ZNF764: variants seen among roughly 807,000 people sequenced by gnomAD.
ZNF764 encodes zinc finger protein 764.
In ZNF764, 10 loss-of-function variants were observed where a neutral mutation model predicts 13.9. The observed-to-expected ratio is 0.72, with a 90% confidence interval of 0.44 to 1.22. ZNF764 has a LOEUF of 1.22. Ranked by LOEUF, ZNF764 falls within the 50% of genes most tolerant of loss-of-function variation. The pLI is 0.00. For missense variants in ZNF764, 647 were observed against 589.7 expected, an observed-to-expected ratio of 1.10 and a Z score of -1.01; for synonymous variants, 313 against 255.1, an observed-to-expected ratio of 1.23 and a Z score of -2.16.
In ZNF764 at chr16:30,558,087, G is replaced by A. The variant is rs2051573743; in HGVS notation, c.96C>T (p.Ala32=). 1.2e-6 allele frequency: 2 copies of A among 1,611,274 alleles called. No homozygotes were observed. The highest frequency in any genetic ancestry group is 1.7e-6 in the Non-Finnish European group (2 of 1,179,316). ...CCCACTCCTCCCGGCAGAAGTACAC[G>A]GCCACGTCCGCGAAGCTCACAGCCC... ...EPGAVSFADV[A]VYFCREEWGC... is the part of the protein sequence containing the mutation. The change falls in exon 1 of 3, where the codon GCC becomes GCT. Residue 32 remains alanine, a synonymous_variant. Transcript: ENST00000395091.
rs2051529552 is a variant in ZNF764 at position 30,554,296 on chromosome 16, C to G, written c.*898G>C. 6.6e-6 allele frequency: 1 copy of G among 152,214 alleles called. No homozygotes were observed. The highest frequency in any genetic ancestry group is 2.4e-5 in the African/African-American group (1 of 41,452). 9.4% of individuals were successfully genotyped at this position (152,214 alleles called of 1,614,324 possible). ...CCGCAGGCCAGATCCAGTACACAGT[C>G]ACAGGATTTTAACTTGGGCAGTAAA... On this transcript the variant is annotated 3_prime_UTR_variant, in exon 3 of 3. Transcript: ENST00000395091.
chr16:30,557,591 C>T, intron 2 of ZNF764, 142 bp downstream of exon 2: 1 of 1,272,226 alleles, frequency 7.9e-7, no homozygotes, highest in Non-Finnish European at 1.1e-6. Context: ...CTGGGAGCCA[C>T]GCAGGGGCTC....
intron 2 of ZNF764, 110 bp from the exon 3 acceptor site, chr16:30,556,217 A>G (rs553064867): frequency 7.8e-7 from 1 of 1,286,290 alleles, no homozygotes; most frequent in South Asian, 1.3e-5. Context: ...TGCTCCTGGG[A>G]GATGGAGGAG....
chr16:30,555,145 A>G lies in ZNF764; in HGVS notation c.*49T>C. 1 of 1,545,016 alleles carries G rather than the reference A, an allele frequency of 6.5e-7. No homozygotes were observed. Among genetic ancestry groups the G allele is most frequent in the South Asian group, 1.3e-5 (1 of 79,914 alleles). On this transcript the variant is annotated 3_prime_UTR_variant, in exon 3 of 3. Transcript: ENST00000395091. ...GCCGCCGCAGAGGTTCGGGCCCCTG[A>G]GCCCATCTCGGGCCTCCCGTAATGT...
chr16:30,557,667 G>A (rs2051567958), intron 2 of ZNF764, 66 bp downstream of exon 2: 2 of 1,585,148 alleles, frequency 1.3e-6, no homozygotes, highest in Admixed American at 1.7e-5. Flanking sequence ...GCTGGAGGTG[G>A]CAGAGGGTAC....
chr16:30,557,262 C>T (rs1212470800), intron 2 of ZNF764, among the ~76,000 whole-genome samples: 3 of 151,742 alleles, frequency 2.0e-5, no homozygotes, highest in Non-Finnish European at 4.4e-5. Context: ...ACTGAGATGG[C>T]ACCACTGCAC....
Position 30,555,996 on chromosome 16 carries a change from G to A in ZNF764, c.422C>T (p.Ala141Val). 6.2e-7 allele frequency: 1 copy of A among 1,612,470 alleles called. No homozygotes were observed. The highest frequency in any genetic ancestry group is 8.5e-7 in the Non-Finnish European group (1 of 1,179,990). Residue 141 changes from alanine to valine, a missense_variant, in exon 3 of 3, where the codon GCC becomes GTC. Coordinates refer to ENST00000395091, the MANE Select transcript of ZNF764 (RefSeq NM_001172679.2). ...PGLKSPQAPS[A>V]GPPYGWEQLS... ...CTGCTCCCAACCATAAGGGGGCCCG[G>A]CCGAGGGGGCTTGGGGAGACTTCAG...
Position 30,554,977 on chromosome 16 carries a change from G to A in ZNF764, c.*217C>T, listed in dbSNP as rs2051535290. On this transcript the variant is annotated 3_prime_UTR_variant, in exon 3 of 3. Coordinates refer to ENST00000395091, the MANE Select transcript of ZNF764 (RefSeq NM_001172679.2). ...TGTAGGTCTGGGGGTTCTCAACTCA[G>A]CCCTGCCTCAGTAGAGGGGGCCTTG... 1.2e-5 allele frequency: 7 copies of A among 561,730 alleles called. No individual in the cohort carries two copies. In the Admixed American group the frequency reaches 2.6e-4, roughly 21 times the overall value. The allele number at this position is 561,730 out of a possible 1,614,324, so 34.8% of individuals were successfully genotyped here. A position where few individuals can be genotyped will look rare whatever the true frequency, so the allele number is the denominator to read the frequency against.
In ZNF764 at chr16:30,556,179, A is replaced by G. The variant is rs1436252796; in HGVS notation, c.311-72T>C. 3.2e-6 allele frequency: 5 copies of G among 1,556,592 alleles called. No homozygotes were observed. The African/African-American group carries it at 6.8e-5, about 21-fold the overall frequency. On this transcript the variant is annotated intron_variant, in intron 2 of 2. Transcript: ENST00000395091. ...TCCTTGAATCCCACAGCCCGCGTGG[A>G]CAGGGACAGGCCTGCTGGATCCCCG...
rs1390067134 is a variant in ZNF764, at chr16:30,553,990, A to C, written c.*1204T>G. The C allele has an allele frequency of 3.3e-5, 5 of 152,158 alleles. No individual in the cohort carries two copies. The highest frequency in any genetic ancestry group is 1.5e-5 in the Non-Finnish European group (1 of 68,046). 9.4% of individuals were successfully genotyped at this position (152,158 alleles called of 1,614,324 possible). On this transcript the variant is annotated 3_prime_UTR_variant, in exon 3 of 3. Transcript: ENST00000395091. Reference sequence around the variant, plus strand: ...GTACTTTAAGATAAACACCAAAAACACTAAAAGCAAGCCATGATGAATGGC... The same window carrying C: ...GTACTTTAAGATAAACACCAAAAACCCTAAAAGCAAGCCATGATGAATGGC...
chr16:30,558,185 TA>T lies in ZNF764; in HGVS notation c.-4del, dbSNP rs1283856143. 2 of 1,582,180 alleles carry T rather than the reference TA, an allele frequency of 1.3e-6. No individual in the cohort carries two copies. Among genetic ancestry groups the T allele is most frequent in the African/African-American group, 2.7e-5 (2 of 74,334 alleles). On this transcript the variant is annotated 5_prime_UTR_variant, in exon 1 of 3. Coordinates refer to ENST00000395091, the MANE Select transcript of ZNF764 (RefSeq NM_001172679.2). ...AGCGGGGCCAGAGGCGGCGCCATGG[TA>T]ACTGTCAACCCCGACGACGGATCGG... is the stretch of plus-strand genomic sequence containing the variant.
intron 2 of ZNF764, among the ~76,000 whole-genome samples, chr16:30,557,005 T>G (rs2051562234): frequency 6.6e-6 from 1 of 152,122 alleles, no homozygotes; most frequent in Non-Finnish European, 1.5e-5. Context: ...CCGGGCGTGG[T>G]GGCGGGCGCC....
Position 30,555,023 on chromosome 16 carries a change from A to T in ZNF764, c.*171T>A. ...CCTTGGAGAGCCCTGGGCAGTGGGGAGCAAGGTGCTGGCAGAGGAGGCTGC... is the reference window on the plus strand; with the variant it reads ...CCTTGGAGAGCCCTGGGCAGTGGGGTGCAAGGTGCTGGCAGAGGAGGCTGC... On this transcript the variant is annotated 3_prime_UTR_variant, in exon 3 of 3. Coordinates refer to ENST00000395091, the MANE Select transcript of ZNF764 (RefSeq NM_001172679.2). 2 of 758,108 alleles carry T rather than the reference A, an allele frequency of 2.6e-6. No homozygotes were observed. Among genetic ancestry groups the T allele is most frequent in the Non-Finnish European group, 2.0e-6 (1 of 489,812 alleles). The allele number at this position is 758,108 out of a possible 1,614,324, so 47.0% of individuals were successfully genotyped here. A position where few individuals can be genotyped will look rare whatever the true frequency, so the allele number is the denominator to read the frequency against.
rs774057497 is a variant in ZNF764 at position 30,558,098 on chromosome 16, C to T, written c.85G>A (p.Ala29Thr). 3 of 1,610,726 alleles carry T rather than the reference C, an allele frequency of 1.9e-6. No individual in the cohort carries two copies. Among genetic ancestry groups the T allele is most frequent in the African/African-American group, 2.7e-5 (2 of 74,896 alleles). Residue 29 changes from alanine (A) to threonine (T), a missense_variant, in exon 1 of 3, where the codon GCG (alanine) becomes ACG (threonine). Ala to Thr is a moderately conservative substitution (Grantham distance 58). Coordinates refer to ENST00000395091, the MANE Select transcript of ZNF764 (RefSeq NM_001172679.2). Reference sequence around the variant, plus strand: ...CGGCAGAAGTACACGGCCACGTCCGCGAAGCTCACAGCCCCCGGCTCCCTC... The same window carrying T: ...CGGCAGAAGTACACGGCCACGTCCGTGAAGCTCACAGCCCCCGGCTCCCTC... ...EWREPGAVSF[A>T]DVAVYFCREE...
In ZNF764 at chr16:30,556,049, G is replaced by C. The variant is rs769009164; in HGVS notation, c.369C>G (p.Pro123=). The C allele has an allele frequency of 1.9e-5, 30 of 1,612,630 alleles. No individual in the cohort carries two copies. Among genetic ancestry groups the C allele is most frequent in the Non-Finnish European group, 2.3e-5 (27 of 1,180,026 alleles). ...QREGTGALEK[P]DPVAAGSPGL... is the part of the protein sequence containing the mutation. The stretch of plus-strand genomic sequence containing the variant: ...CAGGAGACCCGGCGGCCACAGGGTC[G>C]GGCTTCTCCAGGGCTCCCGTCCCTT... Residue 123 remains proline (P), a synonymous_variant, in exon 3 of 3, where the codon CCC becomes CCG. Coordinates refer to ENST00000395091, the MANE Select transcript of ZNF764 (RefSeq NM_001172679.2).
intron 2 of ZNF764, among the ~76,000 whole-genome samples, chr16:30,557,011 G>T (rs1462453883): frequency 6.6e-6 from 1 of 152,094 alleles, no homozygotes; most frequent in Non-Finnish European, 1.5e-5. Flanking sequence ...GTGGTGGCGG[G>T]CGCCTGTAGT....
chr16:30,558,013 T>C lies in ZNF764; in HGVS notation c.170A>G (p.Glu57Gly), dbSNP rs574911705. ...QRALYRDVMRETYGHLSALGI... is the reference protein window; with the variant it reads ...QRALYRDVMRGTYGHLSALGI... ...GAGAGCGCTCAGGTGGCCGTAGGTCTCCCGCATCACGTCCCGGTACAGGGC... is the reference window on the plus strand; with the variant it reads ...GAGAGCGCTCAGGTGGCCGTAGGTCCCCCGCATCACGTCCCGGTACAGGGC... The change falls in exon 1 of 3, where the codon GAG (glutamate) becomes GGG (glycine). Residue 57 changes from glutamate (E) to glycine (G), a missense_variant. Coordinates refer to ENST00000395091, the MANE Select transcript of ZNF764 (RefSeq NM_001172679.2). 7.5e-6 allele frequency: 12 copies of C among 1,608,144 alleles called. No individual in the cohort carries two copies. The highest frequency in any genetic ancestry group is 1.0e-5 in the Non-Finnish European group (12 of 1,178,112).
At chr16:30,557,615 C>T (rs2051567451) in intron 2 of ZNF764, 118 bp downstream of exon 2, 9 of 1,418,480 alleles carry the variant, frequency 6.3e-6, no homozygotes, top group South Asian at 2.7e-5. Context: ...CTCGTCGTCG[C>T]AGTTGAGAAG....
chr16:30,558,184 G>A lies in ZNF764; in HGVS notation c.-2C>T, dbSNP rs544019928. On this transcript the variant is annotated 5_prime_UTR_variant, in exon 1 of 3. Coordinates refer to ENST00000395091, the MANE Select transcript of ZNF764 (RefSeq NM_001172679.2). ...GAGCGGGGCCAGAGGCGGCGCCATG[G>A]TAACTGTCAACCCCGACGACGGATC... 3.0e-5 allele frequency: 48 copies of A among 1,583,120 alleles called. No individual in the cohort carries two copies. The East Asian group carries it at 1.1e-3, about 35-fold the overall frequency.
Sources: allele counts gnomAD v4.1 joint callset (sites outside exome capture counted in the v4.1 genomes callset), GRCh38; gene constraint gnomAD v4.1.1; transcripts MANE v1.5; gene names NCBI Gene and HGNC (gene_info 2026-07-23, HGNC 2026-07-21).